The following BMPR1A variants were observed in gnomAD, a reference collection of about 807,000 sequenced individuals.
BMPR1A encodes bone morphogenetic protein receptor type 1A.
In BMPR1A, 7 loss-of-function variants were observed where a neutral mutation model predicts 66.0. The ratio of observed to expected loss-of-function variants is 0.11; its 90% CI spans 0.06 to 0.20. The LOEUF (loss-of-function observed/expected upper bound fraction) is 0.20, where lower values mean the gene tolerates loss of function less well. Ranked by LOEUF, BMPR1A falls within the 10% of genes least tolerant of loss-of-function variation. The pLI is 1.00. For missense variants in BMPR1A, 408 were observed against 669.1 expected, an observed-to-expected ratio of 0.61 and a Z score of 4.31; for synonymous variants, 200 against 229.7, an observed-to-expected ratio of 0.87 and a Z score of 1.17.
chr10:86,898,320 C>T (rs1490815568), intron 5 of BMPR1A, among the ~76,000 whole-genome samples: 2 of 151,686 alleles, frequency 1.3e-5, no homozygotes, highest in East Asian at 1.9e-4. Context: ...TATAACATTC[C>T]ATTATCTATT....
intron 1 of BMPR1A, among the ~76,000 whole-genome samples, chr10:86,830,923 A>G (rs1299313277): frequency 6.6e-6 from 1 of 151,974 alleles, no homozygotes; most frequent in Admixed American, 6.6e-5. Flanking sequence ...CCAGACGGCC[A>G]CGAATCTACT....
chr10:86,828,698 A>G (rs935795781), intron 1 of BMPR1A, among the ~76,000 whole-genome samples: 7 of 152,146 alleles, frequency 4.6e-5, no homozygotes, highest in African/African-American at 1.4e-4. Context: ...ATGTGGTGAA[A>G]TTATTCTAGG....
At chr10:86,879,653 C>A (rs1181275913) in intron 3 of BMPR1A, among the ~76,000 whole-genome samples, 1 of 152,100 alleles carries the variant, frequency 6.6e-6, no homozygotes, top group Non-Finnish European at 1.5e-5. Context: ...GGTTCTATAC[C>A]CCAGAGTTGC....
intron 3 of BMPR1A, among the ~76,000 whole-genome samples, chr10:86,877,768 A>G (rs949937950): frequency 1.3e-5 from 2 of 152,206 alleles, no homozygotes; most frequent in African/African-American, 2.4e-5. Context: ...AGTTAAATTC[A>G]TAGTAATATT....
intron 7 of BMPR1A, 83 bp downstream of exon 7, chr10:86,900,209 C>A: frequency 7.5e-7 from 1 of 1,330,186 alleles, no homozygotes; most frequent in Non-Finnish European, 1.1e-6. Flanking sequence ...TTGCAGAAAC[C>A]ATTAACTTGT....
chr10:86,782,706 TG>T (rs1272804268), intron 1 of BMPR1A, among the ~76,000 whole-genome samples: 1 of 152,128 alleles, frequency 6.6e-6, no homozygotes, highest in African/African-American at 2.4e-5. Context: ...TTGTGGTTTT[TG>T]TTTTGTTACT....
At chr10:86,931,643 T>A (rs745758999), downstream of BMPR1A, 1 of 152,122 alleles carries the variant, frequency 6.6e-6, no homozygotes, top group Non-Finnish European at 1.5e-5. Context: ...CAGTGAGAAG[T>A]CTGATGTGGA....
intron 2 of BMPR1A, among the ~76,000 whole-genome samples, chr10:86,853,086 AAAT>A (rs1314716505): frequency 1.3e-5 from 2 of 152,218 alleles, no homozygotes; most frequent in Non-Finnish European, 2.9e-5. Flanking sequence ...AAAGTCTTAA[AAAT>A]AAAATATCTT....
In BMPR1A at chr10:86,812,710, T is replaced by C. The variant is rs190625095; in HGVS notation, c.-267-26155T>C. Among the ~76,000 whole-genome samples, 3 of 152,012 alleles carry C rather than the reference T, an allele frequency of 2.0e-5. No homozygotes were observed. The East Asian group carries it at 5.8e-4, about 29-fold the overall frequency. On this transcript the variant is annotated intron_variant, in intron 1 of 12. Coordinates refer to ENST00000372037, the MANE Select transcript of BMPR1A (RefSeq NM_004329.3). Reference sequence around the variant, plus strand: ...TGAAGAAGTACGAAGAGTTCCCATATCCCCCCAATCCACATGTACATAGCC... The same window carrying C: ...TGAAGAAGTACGAAGAGTTCCCATACCCCCCCAATCCACATGTACATAGCC...
intron 1 of BMPR1A, among the ~76,000 whole-genome samples, chr10:86,827,989 TA>T (rs1418724658): frequency 6.6e-6 from 1 of 152,070 alleles, no homozygotes; most frequent in Non-Finnish European, 1.5e-5. Context: ...GCATTTCTAC[TA>T]AAAATAAAAA....
intron 1 of BMPR1A, among the ~76,000 whole-genome samples, chr10:86,819,276 C>T (rs1842084833): frequency 6.6e-6 from 1 of 152,040 alleles, no homozygotes; most frequent in Non-Finnish European, 1.5e-5. Context: ...TCTTAGAAAA[C>T]TTTTCAATTA....
chr10:86,870,802 T>C (rs559966351), intron 2 of BMPR1A, among the ~76,000 whole-genome samples: 2 of 152,098 alleles, frequency 1.3e-5, no homozygotes, highest in African/African-American at 4.8e-5. Flanking sequence ...AATTCATCCA[T>C]CTGCACACGG....
intron 3 of BMPR1A, 131 bp downstream of exon 3, chr10:86,876,216 A>G: frequency 1.2e-6 from 1 of 823,042 alleles, no homozygotes; most frequent in Non-Finnish European, 2.0e-6. Context: ...GGAAAGAAGC[A>G]AAGATGAAAC....
intron 2 of BMPR1A, among the ~76,000 whole-genome samples, chr10:86,853,453 G>A (rs1842599023): frequency 6.6e-6 from 1 of 152,182 alleles, no homozygotes; most frequent in African/African-American, 2.4e-5. Flanking sequence ...CTGTAAAATA[G>A]TAATGCCAAC....
intron 2 of BMPR1A, among the ~76,000 whole-genome samples, chr10:86,875,349 G>A (rs1007329011): frequency 0.054 from 3 of 56 alleles, no homozygotes; most frequent in African/African-American, 0.12. Context: ...CTCCAGCCTG[G>A]GCGACCGAGC....
At chr10:86,898,959 G>C (rs1387282384) in intron 5 of BMPR1A, among the ~76,000 whole-genome samples, 2 of 152,138 alleles carry the variant, frequency 1.3e-5, no homozygotes, top group Non-Finnish European at 1.5e-5. Flanking sequence ...ATTTCCAAAT[G>C]CTCTTGACCA....
At chr10:86,818,955 A>G (rs190970809) in intron 1 of BMPR1A, among the ~76,000 whole-genome samples, 2 of 152,336 alleles carry the variant, frequency 1.3e-5, no homozygotes, top group Admixed American at 6.5e-5. Flanking sequence ...ACACAGAACT[A>G]GCAGTCAGTA....
intron 8 of BMPR1A, among the ~76,000 whole-genome samples, chr10:86,914,017 AATG>A (rs1490648634): frequency 6.6e-6 from 1 of 152,170 alleles, no homozygotes; most frequent in African/African-American, 2.4e-5. Flanking sequence ...AAAACTCAAT[AATG>A]ATCTCAATTT....
chr10:86,760,188 G>GT (rs58326501), intron 1 of BMPR1A, among the ~76,000 whole-genome samples: 1,767 of 53,152 alleles, frequency 0.033, 73 homozygotes, highest in African/African-American at 0.079. Flanking sequence ...AGATTTACCT[G>GT]TTTTTTTTTT....
Sources: gnomAD v4.1 joint callset for allele counts (sites outside exome capture counted in the v4.1 genomes callset) on GRCh38, gnomAD v4.1.1 for gene constraint, MANE v1.5 for transcripts, NCBI Gene and HGNC (gene_info 2026-07-23, HGNC 2026-07-21) for gene names.